EYS: variants seen among roughly 807,000 people sequenced by gnomAD.
EYS encodes protein eyes shut homolog.
Under a neutral mutation model 282.1 loss-of-function variants are expected in EYS, and 250 were observed. The observed-to-expected ratio is 0.89, with a 90% CI of 0.80 to 0.98. EYS has a LOEUF of 0.98. Among genes scored for constraint, EYS ranks in the 50% least tolerant of loss-of-function variants. The probability of loss-of-function intolerance (pLI) is 0.00; values close to 1 mark genes in which losing one functional copy is unlikely to be tolerated. For synonymous variants in EYS, 1,355 were observed against 1,282.9 expected (o/e 1.06, Z -1.20); for missense variants, 4,016 against 3,709.0 (o/e 1.08, Z -2.15).
chr6:64,624,589 A>G (rs1767544825), intron 23 of EYS, among the ~76,000 whole-genome samples: 1 of 152,190 alleles, frequency 6.6e-6, no homozygotes, highest in Non-Finnish European at 1.5e-5. Context: ...AGGGAAGTAC[A>G]AAGTTCTCCA....
intron 22 of EYS, among the ~76,000 whole-genome samples, chr6:64,802,033 C>CTTTTTTT (rs70999173): frequency 2.7e-5 from 3 of 112,672 alleles, no homozygotes; most frequent in South Asian, 3.0e-4. Context: ...CTTTTTTTTT[C>CTTTTTTT]TTTTTTTTTT....
At chr6:65,500,628 C>T (rs1183071627) in intron 2 of EYS, among the ~76,000 whole-genome samples, 1 of 151,836 alleles carries the variant, frequency 6.6e-6, no homozygotes, top group East Asian at 1.9e-4. Context: ...ACATCAACTT[C>T]TTCATAAAGC....
chr6:63,774,961 T>C (rs1206333227), intron 40 of EYS, among the ~76,000 whole-genome samples: 3 of 151,188 alleles, frequency 2.0e-5, no homozygotes, highest in African/African-American at 7.3e-5. Context: ...ACTAAACCCA[T>C]TTTTTGTTTT....
chr6:64,440,725 G>A (rs1774911582), intron 26 of EYS, among the ~76,000 whole-genome samples: 1 of 152,008 alleles, frequency 6.6e-6, no homozygotes, highest in African/African-American at 2.4e-5. Context: ...ATAAAGTCAT[G>A]TATCAGTTTG....
rs144911864 is a variant in EYS, at chr6:64,495,407, A to G, written c.5645-56055T>C. The stretch of plus-strand genomic sequence containing the variant: ...ATAACTTGGAATCACCTGTCCTTCA[A>G]TAGCCAGGAAAGTTGGTTCTTGAAT... On this transcript the variant is annotated intron_variant, in intron 26 of 42. Transcript: ENST00000503581. Among the ~76,000 whole-genome samples, 3 of 151,976 alleles carry G rather than the reference A, an allele frequency of 2.0e-5. No homozygotes were observed. In the East Asian group the frequency reaches 5.8e-4, roughly 30 times the overall value.
chr6:64,271,280 T>C (rs1207246406), intron 30 of EYS, among the ~76,000 whole-genome samples: 1 of 152,162 alleles, frequency 6.6e-6, no homozygotes, highest in Non-Finnish European at 1.5e-5. Context: ...GTGGCTTCAG[T>C]TTGTGTTTTT....
intron 31 of EYS, among the ~76,000 whole-genome samples, chr6:64,187,901 T>G (rs1764995228): frequency 6.6e-6 from 1 of 152,112 alleles, no homozygotes; most frequent in Admixed American, 6.6e-5. Context: ...AATTTTGAAC[T>G]TTTTAATGTT....
intron 35 of EYS, among the ~76,000 whole-genome samples, chr6:63,983,169 C>T (rs1347296001): frequency 2.0e-5 from 3 of 151,616 alleles, no homozygotes; most frequent in Non-Finnish European, 4.4e-5. Flanking sequence ...AATCTGTATC[C>T]ATTGTACTTA....
At chr6:65,161,974 T>C (rs745829140) in intron 12 of EYS, among the ~76,000 whole-genome samples, 1 of 151,272 alleles carries the variant, frequency 6.6e-6, no homozygotes, top group Non-Finnish European at 1.5e-5. Context: ...TGTGAAAATT[T>C]GGTTAAATAG....
rs1769935426 is a variant in EYS, at chr6:65,335,082, A to G, written c.1664T>C (p.Phe555Ser). 2 of 1,612,206 alleles carry G rather than the reference A, an allele frequency of 1.2e-6. No homozygotes were observed. The highest frequency in any genetic ancestry group is 1.7e-6 in the Non-Finnish European group (2 of 1,178,952). Reference sequence around the variant, plus strand: ...ATACATGTTGCCAGCCCATCTGAGAAAACATAGATACCGATATTCCTGACT... The same window carrying G: ...ATACATGTTGCCAGCCCATCTGAGAGAACATAGATACCGATATTCCTGACT... ...EDSQEYRYLC[F>S]LRWAGNMYLE... Residue 555 changes from phenylalanine to serine, a missense_variant, in exon 11 of 43, where the codon TTT (phenylalanine) becomes TCT (serine). Coordinates refer to ENST00000503581, the MANE Select transcript of EYS (RefSeq NM_001142800.2).
At chr6:65,040,555 C>G in intron 13 of EYS, among the ~76,000 whole-genome samples, 1 of 151,668 alleles carries the variant, frequency 6.6e-6, no homozygotes, top group Non-Finnish European at 1.5e-5. Flanking sequence ...GTGATATGAC[C>G]TCACTGAGGG....
intron 31 of EYS, among the ~76,000 whole-genome samples, chr6:64,129,233 C>T (rs997193142): frequency 2.6e-5 from 4 of 152,142 alleles, no homozygotes; most frequent in Non-Finnish European, 5.9e-5. Context: ...AGTTTACAGT[C>T]CCACCAACAG....
At chr6:65,233,856 T>G (rs2150270264) in intron 12 of EYS, among the ~76,000 whole-genome samples, 1 of 152,318 alleles carries the variant, frequency 6.6e-6, no homozygotes, top group Non-Finnish European at 1.5e-5. Flanking sequence ...TTGATGGGTC[T>G]GCATGTAGCT....
chr6:65,064,503 T>C (rs1773683342), intron 12 of EYS, among the ~76,000 whole-genome samples: 1 of 146,956 alleles, frequency 6.8e-6, no homozygotes, highest in Admixed American at 6.9e-5. Flanking sequence ...ATATATAATA[T>C]AGTATAATAT....
chr6:64,643,601 A>C (rs1349994019), intron 22 of EYS, among the ~76,000 whole-genome samples: 1 of 152,112 alleles, frequency 6.6e-6, no homozygotes, highest in African/African-American at 2.4e-5. Context: ...CTGTGTCCCC[A>C]CCCAAATCTC....
intron 10 of EYS, among the ~76,000 whole-genome samples, chr6:65,343,322 T>C (rs1562109247): frequency 6.6e-6 from 1 of 151,320 alleles, no homozygotes; most frequent in Non-Finnish European, 1.5e-5. Context: ...ATGGCTTTCT[T>C]AAAATGACCA....
chr6:64,230,664 A>G lies in EYS; in HGVS notation c.6352T>C (p.Phe2118Leu). ...CHNGGTCHAI[F>L]LSSGIVSFQC... The stretch of plus-strand genomic sequence containing the variant: ...AATGACACTATGCCACTGGAGAGGA[A>G]GATGGCATGGCATGTGCCTCCATTG... Residue 2118 changes from phenylalanine to leucine, a missense_variant, in exon 31 of 43, where the codon TTC (phenylalanine) becomes CTC (leucine). Physicochemically the swap from Phe to Leu is conservative, Grantham distance 22. Transcript: ENST00000503581. 1 of 1,551,592 alleles carries G rather than the reference A, an allele frequency of 6.4e-7. No homozygotes were observed. The highest frequency in any genetic ancestry group is 8.7e-7 in the Non-Finnish European group (1 of 1,146,904).
intron 22 of EYS, among the ~76,000 whole-genome samples, chr6:64,684,189 C>T (rs553653458): frequency 2.0e-5 from 3 of 152,146 alleles, no homozygotes; most frequent in South Asian, 4.1e-4. Flanking sequence ...ATCTGACTTC[C>T]GGTCAGAGAA....
At chr6:65,496,626 T>C (rs565680530) in intron 2 of EYS, among the ~76,000 whole-genome samples, 1 of 152,212 alleles carries the variant, frequency 6.6e-6, no homozygotes, top group Admixed American at 6.5e-5. Flanking sequence ...GAAGTACACC[T>C]AATTAACAAG....
Sources: allele counts gnomAD v4.1 joint callset (sites outside exome capture counted in the v4.1 genomes callset), GRCh38; gene constraint gnomAD v4.1.1; transcripts MANE v1.5; gene names NCBI Gene and HGNC (gene_info 2026-07-23, HGNC 2026-07-21).